Variants in GIGYF2 observed in about 807,000 individuals in gnomAD.
GIGYF2 encodes the protein GRB10 interacting GYF protein 2.
GIGYF2 carries 25 observed loss-of-function variants against 208.1 expected under a neutral mutation model. The ratio of observed to expected loss-of-function variants is 0.12; its 90% CI spans 0.09 to 0.17. The LOEUF (loss-of-function observed/expected upper bound fraction) is 0.17, where lower values mean the gene tolerates loss of function less well. Ranked by LOEUF, GIGYF2 falls within the 10% of genes least tolerant of loss-of-function variation. The probability of loss-of-function intolerance (pLI) is 1.00; values close to 1 mark genes in which losing one functional copy is unlikely to be tolerated. For synonymous variants in GIGYF2, 534 were observed against 543.8 expected (o/e 0.98, Z 0.25); for missense variants, 1,302 against 1,579.4 (o/e 0.82, Z 2.98).
At chr2:232,726,399 G>A (rs1271125199) in intron 2 of GIGYF2, among the ~76,000 whole-genome samples, 1 of 150,258 alleles carries the variant, frequency 6.7e-6, no homozygotes, top group Non-Finnish European at 1.5e-5. Context: ...TCATATGGGA[G>A]CACACCCTTC....
chr2:232,710,319 C>T (rs1696331812), intron 2 of GIGYF2, among the ~76,000 whole-genome samples: 1 of 151,976 alleles, frequency 6.6e-6, no homozygotes, highest in Non-Finnish European at 1.5e-5. Context: ...GAACTCCTAG[C>T]CTCAAGCAAT....
chr2:232,737,907 C>CTTTTTTTTTTTTTTTTT, intron 3 of GIGYF2, among the ~76,000 whole-genome samples: 1 of 85,218 alleles, frequency 1.2e-5, no homozygotes, highest in Non-Finnish European at 2.2e-5. Flanking sequence ...TAAGCTTTAA[C>CTTTTTTTTTTTTTTTTT]TTTTTTTTTT....
chr2:232,793,423 G>C (rs1424004946), intron 12 of GIGYF2, among the ~76,000 whole-genome samples: 1 of 152,134 alleles, frequency 6.6e-6, no homozygotes, highest in Non-Finnish European at 1.5e-5. Flanking sequence ...AAGAGCCAAA[G>C]AGGATTATAA....
chr2:232,791,675 A>T (rs1287965989), intron 12 of GIGYF2, among the ~76,000 whole-genome samples: 1 of 152,204 alleles, frequency 6.6e-6, no homozygotes, highest in Non-Finnish European at 1.5e-5. Context: ...CTGGAATCTC[A>T]TGTCCTAAGG....
At chr2:232,795,932 T>C in intron 13 of GIGYF2, 130 bp from the exon 14 acceptor site, 1 of 711,068 alleles carries the variant, frequency 1.4e-6, no homozygotes, top group Non-Finnish European at 2.5e-6. Context: ...AGAAGTTACC[T>C]GCTATGTTCT....
intron 8 of GIGYF2, among the ~76,000 whole-genome samples, chr2:232,761,881 A>C (rs566146384): frequency 1.3e-4 from 19 of 151,624 alleles, no homozygotes; most frequent in East Asian, 7.7e-4. Context: ...ATGAGAACAA[A>C]AAAAAAAATA....
At chr2:232,845,701 A>G in intron 25 of GIGYF2, 31 bp from the exon 26 acceptor site, 1 of 1,549,506 alleles carries the variant, frequency 6.5e-7, no homozygotes, top group Non-Finnish European at 8.9e-7. Flanking sequence ...AGTTTCTGGG[A>G]ATATAATATC....
At position 232,747,601 on chromosome 2, in the gene GIGYF2, C is replaced by CT. The variant is rs780675785; in HGVS notation, c.42-10dup. On this transcript the variant is annotated splice_polypyrimidine_tract_variant and intron_variant, in intron 3 of 28. Coordinates refer to ENST00000373563, the MANE Select transcript of GIGYF2 (RefSeq NM_001103146.3). The stretch of plus-strand genomic sequence containing the variant: ...CCAGAATGTTTGACATATTCTCTGT[C>CT]TTTTCTATTCTAGGCTCCGAGCTCT... The CT allele has an allele frequency of 6.2e-7, 1 of 1,613,722 alleles. No individual in the cohort carries two copies.
chr2:232,740,778 T>A (rs1249050201), intron 3 of GIGYF2, among the ~76,000 whole-genome samples: 1 of 152,168 alleles, frequency 6.6e-6, no homozygotes, highest in Non-Finnish European at 1.5e-5. Flanking sequence ...TATCGATAAT[T>A]ATGGGATTAT....
intron 8 of GIGYF2, among the ~76,000 whole-genome samples, chr2:232,779,807 A>G (rs77407968): frequency 0.012 from 1,880 of 152,224 alleles, 45 homozygotes; most frequent in African/African-American, 0.043. Context: ...GAAAGTCGTA[A>G]CTCTCTGGGT....
rs1299311633 is a variant in GIGYF2 at position 232,832,872 on chromosome 2, A to G, written c.2545A>G (p.Lys849Glu). The G allele has an allele frequency of 1.1e-5, 17 of 1,554,548 alleles. No homozygotes were observed. The highest frequency in any genetic ancestry group is 1.4e-5 in the Non-Finnish European group (16 of 1,148,776). The change falls in exon 22 of 29, where the codon AAA (lysine) becomes GAA (glutamate). Residue 849 changes from lysine (K) to glutamate (E), a missense_variant. By Grantham distance (56) the Lys-to-Glu change is moderately conservative (BLOSUM62 1). Around this residue, in one of 8 missense-constraint regions of GIGYF2, gnomAD observed 701 missense variants for 793.0 expected, o/e 0.88. Transcript: ENST00000373563. ...LLRKQEEEAA[K>E]WAREEEEAQR... is the part of the protein sequence containing the mutation. ...TTCTGGAAAGGAAGAGGAGGCTGCA[A>G]AATGGGCCCGGGAAGAAGAAGAAGC... is the stretch of plus-strand genomic sequence containing the variant.
At chr2:232,725,722 T>A (rs961791085) in intron 2 of GIGYF2, among the ~76,000 whole-genome samples, 2 of 152,258 alleles carry the variant, frequency 1.3e-5, no homozygotes, top group Non-Finnish European at 2.9e-5. Context: ...CACATGGTAC[T>A]CATTGTTTTT....
intron 14 of GIGYF2, among the ~76,000 whole-genome samples, chr2:232,797,489 TTGTGTGTGTGTGTGTGTGTG>T (rs67221198): frequency 1.4e-5 from 2 of 144,994 alleles, no homozygotes; most frequent in African/African-American, 2.6e-5. Flanking sequence ...AGAGCAGGGC[TTGTGTGTGTGTGTGTGTGTG>T]TGTGTGTGTG....
chr2:232,812,666 T>C (rs974256719), intron 18 of GIGYF2, among the ~76,000 whole-genome samples, 175 bp downstream of exon 18: 2 of 152,222 alleles, frequency 1.3e-5, no homozygotes, highest in Non-Finnish European at 2.9e-5. Context: ...ACTGAAAATA[T>C]ACTTTTAAGG....
At chr2:232,838,821 CA>C (rs1701728132) in intron 22 of GIGYF2, among the ~76,000 whole-genome samples, 3 of 152,088 alleles carry the variant, frequency 2.0e-5, no homozygotes, top group African/African-American at 7.2e-5. Context: ...ACCCCTCCCC[CA>C]CCCCAGGGCA....
chr2:232,738,665 T>C (rs1324834557), intron 3 of GIGYF2, among the ~76,000 whole-genome samples: 1 of 152,260 alleles, frequency 6.6e-6, no homozygotes, highest in Non-Finnish European at 1.5e-5. Context: ...AATAAATATT[T>C]ATTAAATGGA....
At chr2:232,840,033 A>T in intron 23 of GIGYF2, 62 bp downstream of exon 23, 1 of 1,507,876 alleles carries the variant, frequency 6.6e-7, no homozygotes, top group East Asian at 2.3e-5. Context: ...AGCATGCATT[A>T]TGGGTTAGTG....
chr2:232,779,841 T>G (rs1699651313), intron 8 of GIGYF2, among the ~76,000 whole-genome samples: 1 of 152,196 alleles, frequency 6.6e-6, no homozygotes. Context: ...TGCTCTGTCC[T>G]AGCCACCCTG....
At chr2:232,825,203 G>A (rs533243591) in intron 21 of GIGYF2, among the ~76,000 whole-genome samples, 5 of 152,284 alleles carry the variant, frequency 3.3e-5, no homozygotes, top group South Asian at 2.1e-4. Context: ...ATGTTCAAGT[G>A]TCATTATTTA....
Sources: gnomAD v4.1 joint callset for allele counts (sites outside exome capture counted in the v4.1 genomes callset) on GRCh38, gnomAD v4.1.1 for gene constraint, gnomAD v4.1.1 regional missense constraint, MANE v1.5 for transcripts, NCBI Gene and HGNC (gene_info 2026-07-23, HGNC 2026-07-21) for gene names.